SENP6: variants seen among roughly 807,000 people sequenced by gnomAD.
SENP6 encodes the protein sentrin-specific protease 6.
A neutral mutation model predicts 134.5 loss-of-function variants in SENP6; 41 were observed. The observed-to-expected ratio is 0.30, with a 90% CI of 0.24 to 0.40. The LOEUF is 0.40. Among genes scored for constraint, SENP6 ranks in the 10% least tolerant of loss-of-function variants. The probability of loss-of-function intolerance (pLI) is 1.00; values close to 1 mark genes in which losing one functional copy is unlikely to be tolerated. For missense variants in SENP6, 1,248 were observed against 1,312.5 expected (o/e 0.95, Z 0.76); for synonymous variants, 395 against 429.8 (o/e 0.92, Z 1.00).
intron 16 of SENP6, among the ~76,000 whole-genome samples, chr6:75,687,748 T>G (rs956452017): frequency 2.6e-5 from 4 of 152,220 alleles, no homozygotes; most frequent in Non-Finnish European, 5.9e-5. Flanking sequence ...CAAATATTGC[T>G]GCCTGATCCT....
intron 8 of SENP6, 115 bp from the exon 9 acceptor site, chr6:75,663,106 T>C (rs187422685): frequency 5.9e-6 from 6 of 1,013,776 alleles, no homozygotes; most frequent in African/African-American, 3.3e-5. Flanking sequence ...CAAAATCTTT[T>C]ATTTCTTTTG....
intron 13 of SENP6, 42 bp downstream of exon 13, chr6:75,676,096 C>T (rs1481793348): frequency 1.2e-5 from 16 of 1,320,890 alleles, no homozygotes; most frequent in Non-Finnish European, 1.6e-5. Context: ...ATAATAGATA[C>T]TGTATTTACA....
chr6:75,647,496 C>A (rs1374867786), intron 6 of SENP6: 1 of 308,172 alleles, frequency 3.2e-6, no homozygotes, highest in East Asian at 7.0e-5. Flanking sequence ...CAATCTCATT[C>A]AACATTTATT....
intron 11 of SENP6, among the ~76,000 whole-genome samples, chr6:75,674,382 C>G (rs1311831183): frequency 6.6e-6 from 1 of 152,048 alleles, no homozygotes; most frequent in Non-Finnish European, 1.5e-5. Flanking sequence ...AGTGCAGTGG[C>G]ACAATCTTGG....
At chr6:75,610,078 G>A (rs958208276) in intron 1 of SENP6, among the ~76,000 whole-genome samples, 2 of 152,120 alleles carry the variant, frequency 1.3e-5, no homozygotes, top group Admixed American at 6.5e-5. Context: ...GTGAGTCACC[G>A]CACCTGGCCT....
chr6:75,676,805 G>T, intron 13 of SENP6: 1 of 400,754 alleles, frequency 2.5e-6, no homozygotes, highest in East Asian at 4.0e-5. Flanking sequence ...TGTTGTTAGA[G>T]TAATGTATTC....
At chr6:75,661,161 A>T (rs1771746416) in intron 8 of SENP6, among the ~76,000 whole-genome samples, 1 of 152,244 alleles carries the variant, frequency 6.6e-6, no homozygotes. Context: ...GTTCACACTG[A>T]TAACTCTAAT....
intron 5 of SENP6, among the ~76,000 whole-genome samples, chr6:75,638,099 T>C (rs1769665600): frequency 1.3e-5 from 2 of 152,032 alleles, no homozygotes; most frequent in South Asian, 2.1e-4. Flanking sequence ...TTACCTCAAA[T>C]AGTCCACCCA....
At chr6:75,702,555 T>A in intron 18 of SENP6, 90 bp from the exon 19 acceptor site, 1 of 1,238,104 alleles carries the variant, frequency 8.1e-7, no homozygotes, top group South Asian at 1.7e-5. Context: ...TGGCAAGAAC[T>A]TTAGAAAAAA....
rs78617238 is a variant in SENP6, at chr6:75,652,827, G to C, written c.550+5026G>C. ...ATTATCATTCTTTTAGTTTTTGCCA[G>C]TCTGATCAAAATGTTTTTCTTATAT... On this transcript the variant is annotated intron_variant, in intron 7 of 23. Transcript: ENST00000447266. Among the ~76,000 whole-genome samples the C allele has an allele frequency of 9.0e-4, 137 of 151,858 alleles. 1 individual carries two copies. In the East Asian group the frequency reaches 0.021, roughly 23 times the overall value.
At chr6:75,610,636 G>A (rs566432148) in intron 1 of SENP6, among the ~76,000 whole-genome samples, 129 of 152,184 alleles carry the variant, frequency 8.5e-4, no homozygotes, top group African/African-American at 3.0e-3. Flanking sequence ...GAGTATATGG[G>A]GCTTTCAGTG....
In SENP6 at chr6:75,717,019, A is replaced by T. The variant is rs902577881; in HGVS notation, c.*1425A>T. 8 of 152,000 alleles carry T rather than the reference A, an allele frequency of 5.3e-5. No homozygotes were observed. The highest frequency in any genetic ancestry group is 1.0e-4 in the Non-Finnish European group (7 of 67,872). 9.4% of individuals were successfully genotyped at this position (152,000 alleles called of 1,614,324 possible). A position where few individuals can be genotyped will look rare whatever the true frequency, so the allele number is the denominator to read the frequency against. On this transcript the variant is annotated 3_prime_UTR_variant, in exon 24 of 24. Transcript: ENST00000447266. ...TAGAGTCTCAGTAAGAGAAATATTAAAATGTAAGAAAGGTCACCATTAGTG... is the reference window on the plus strand; with the variant it reads ...TAGAGTCTCAGTAAGAGAAATATTATAATGTAAGAAAGGTCACCATTAGTG...
intron 1 of SENP6, among the ~76,000 whole-genome samples, chr6:75,605,011 T>C (rs1766926035): frequency 6.6e-6 from 1 of 152,062 alleles, no homozygotes; most frequent in African/African-American, 2.4e-5. Context: ...AGCTGGAGGT[T>C]GCAGTGAGCC....
At chr6:75,668,174 C>G (rs1008854007) in intron 10 of SENP6, among the ~76,000 whole-genome samples, 5 of 152,152 alleles carry the variant, frequency 3.3e-5, no homozygotes, top group African/African-American at 1.2e-4. Context: ...GGGGATCTTG[C>G]TCTGTCACCC....
chr6:75,655,606 C>T (rs1306384636), intron 7 of SENP6, among the ~76,000 whole-genome samples: 2 of 152,174 alleles, frequency 1.3e-5, no homozygotes, highest in Admixed American at 6.5e-5. Flanking sequence ...TATTTTGAGA[C>T]TCATCCATCC....
At chr6:75,697,541 GA>G in intron 18 of SENP6, 24 bp downstream of exon 18, 1 of 1,528,028 alleles carries the variant, frequency 6.5e-7, no homozygotes, top group Non-Finnish European at 9.0e-7. Context: ...TCCTTTAAAG[GA>G]AAATCTTTAA....
rs567950448 is a variant in SENP6 at position 75,692,136 on chromosome 6, G to A, written c.2076-3668G>A. ...CTCCCAAAGTGCTGGGATTACAGGC[G>A]TGAGCCACCGCGCCTGGCCTCCCAT... On this transcript the variant is annotated intron_variant, in intron 16 of 23. Transcript: ENST00000447266. 5.3e-5 allele frequency among the ~76,000 whole-genome samples: 8 copies of A among 152,240 alleles called. No homozygotes were observed. The South Asian group carries it at 1.2e-3, about 24-fold the overall frequency.
At chr6:75,640,658 A>AT (rs751128112) in intron 5 of SENP6, 26 bp from the exon 6 acceptor site, 96 of 1,499,242 alleles carry the variant, frequency 6.4e-5, no homozygotes, top group South Asian at 9.7e-5. Context: ...TGCCTCTTAT[A>AT]TTTTTTTTCT....
At chr6:75,662,084 A>T (rs944082440) in intron 8 of SENP6, among the ~76,000 whole-genome samples, 1 of 152,132 alleles carries the variant, frequency 6.6e-6, no homozygotes, top group South Asian at 2.1e-4. Flanking sequence ...AAATAAAACA[A>T]GATCTGTGAA....
Sources: gnomAD v4.1 joint callset for allele counts (sites outside exome capture counted in the v4.1 genomes callset) on GRCh38, gnomAD v4.1.1 for gene constraint, MANE v1.5 for transcripts, NCBI Gene and HGNC (gene_info 2026-07-23, HGNC 2026-07-21) for gene names.